Variants in CFAP299 observed in about 807,000 individuals in gnomAD.
CFAP299 encodes cilia- and flagella-associated protein 299.
Under a neutral mutation model 27.0 loss-of-function variants are expected in CFAP299, and 21 were observed. The observed-to-expected ratio is 0.78, with a 90% CI of 0.55 to 1.12. The LOEUF is 1.12. Among genes scored for constraint, CFAP299 ranks in the 50% most tolerant of loss-of-function variants. The probability of loss-of-function intolerance (pLI) is 0.00; values close to 1 mark genes in which losing one functional copy is unlikely to be tolerated. For missense variants in CFAP299, 310 were observed against 276.6 expected, an observed-to-expected ratio of 1.12 and a Z score of -0.86; for synonymous variants, 104 against 98.1, an observed-to-expected ratio of 1.06 and a Z score of -0.36.
At chr4:80,876,619 A>T (rs190685693) in intron 4 of CFAP299, among the ~76,000 whole-genome samples, 147 of 152,340 alleles carry the variant, frequency 9.6e-4, no homozygotes, top group Admixed American at 4.5e-3. Flanking sequence ...AAAAACCTGT[A>T]TCATTAAAGT....
chr4:80,601,915 A>G lies in CFAP299; in HGVS notation c.333+18732A>G, dbSNP rs567468588. Among the ~76,000 whole-genome samples the G allele has an allele frequency of 3.9e-4, 60 of 152,356 alleles. 1 individual carries two copies. The South Asian group carries it at 0.012, about 30-fold the overall frequency. ...GTGCATCCACAAAAAGAATGAAATCATGTCCTTTGTTGAAGACCATTATTG... is the reference window on the plus strand; with the variant it reads ...GTGCATCCACAAAAAGAATGAAATCGTGTCCTTTGTTGAAGACCATTATTG... On this transcript the variant is annotated intron_variant, in intron 3 of 5. Coordinates refer to ENST00000358105, the MANE Select transcript of CFAP299 (RefSeq NM_152770.3).
rs187551389 is a variant in CFAP299 at position 80,377,969 on chromosome 4, A to G, written c.242+15085A>G. On this transcript the variant is annotated intron_variant, in intron 2 of 5. Coordinates refer to ENST00000358105, the MANE Select transcript of CFAP299 (RefSeq NM_152770.3). The stretch of plus-strand genomic sequence containing the variant: ...AAGGTGGAAACCCCTGATAAACCCA[A>G]CAGATCTGATGAGACTTATTCACTA... Among the ~76,000 whole-genome samples, 280 of 152,232 alleles carry G rather than the reference A, an allele frequency of 1.8e-3. 2 individuals are homozygous for G. Among genetic ancestry groups the G allele is most frequent in the Admixed American group, 0.012 (186 of 15,298 alleles).
chr4:80,685,309 G>A (rs893150499), intron 3 of CFAP299, among the ~76,000 whole-genome samples: 1 of 152,052 alleles, frequency 6.6e-6, no homozygotes, highest in Non-Finnish European at 1.5e-5. Flanking sequence ...ATCTCTGAGG[G>A]AAAAATCCAG....
intron 2 of CFAP299, among the ~76,000 whole-genome samples, chr4:80,569,487 C>T (rs1735474883): frequency 6.6e-6 from 1 of 151,774 alleles, no homozygotes; most frequent in African/African-American, 2.4e-5. Context: ...GAAATTTTAA[C>T]TTAGTGTGAG....
intron 3 of CFAP299, among the ~76,000 whole-genome samples, chr4:80,699,558 A>G (rs2110025504): frequency 6.6e-6 from 1 of 152,262 alleles, no homozygotes; most frequent in South Asian, 2.1e-4. Flanking sequence ...AAATATTGTT[A>G]GCTAATGTTT....
intron 4 of CFAP299, chr4:80,872,860 A>G: frequency 2.1e-6 from 2 of 942,530 alleles, no homozygotes; most frequent in Non-Finnish European, 2.5e-6. Flanking sequence ...TTGGATATTG[A>G]TTAATCCTTT....
At chr4:80,473,356 C>T (rs1410068189) in intron 2 of CFAP299, among the ~76,000 whole-genome samples, 1 of 151,974 alleles carries the variant, frequency 6.6e-6, no homozygotes, top group African/African-American at 2.4e-5. Flanking sequence ...AAAATAAGTT[C>T]AAGGGCCAGT....
At chr4:80,647,747 G>A (rs1406433414) in intron 3 of CFAP299, among the ~76,000 whole-genome samples, 3 of 152,124 alleles carry the variant, frequency 2.0e-5, no homozygotes, top group Admixed American at 1.3e-4. Flanking sequence ...TGAATCAAAT[G>A]TTATAAAAGC....
intron 2 of CFAP299, among the ~76,000 whole-genome samples, chr4:80,424,454 T>C (rs149319974): frequency 9.9e-5 from 15 of 152,282 alleles, no homozygotes; most frequent in African/African-American, 3.6e-4. Context: ...CTCTTGAGGG[T>C]CACTGGCGAT....
chr4:80,541,175 G>A (rs746871916), intron 2 of CFAP299, among the ~76,000 whole-genome samples: 27 of 152,152 alleles, frequency 1.8e-4, no homozygotes, highest in South Asian at 2.1e-4. Context: ...TGACAGTGAA[G>A]ATAACTGTGA....
intron 2 of CFAP299, among the ~76,000 whole-genome samples, chr4:80,434,485 T>G (rs1438866048): frequency 6.6e-6 from 1 of 152,232 alleles, no homozygotes; most frequent in Non-Finnish European, 1.5e-5. Context: ...TTTAAATACT[T>G]TTAACAGTGG....
At chr4:80,769,379 A>C (rs1055296593) in intron 3 of CFAP299, among the ~76,000 whole-genome samples, 1 of 152,106 alleles carries the variant, frequency 6.6e-6, no homozygotes, top group Non-Finnish European at 1.5e-5. Flanking sequence ...CTATAAACTT[A>C]ATGGCTTATA....
chr4:80,869,273 C>A (rs943516506), intron 3 of CFAP299, among the ~76,000 whole-genome samples: 1 of 152,076 alleles, frequency 6.6e-6, no homozygotes, highest in African/African-American at 2.4e-5. Flanking sequence ...CCAGGAATAA[C>A]AAAGAATGCT....
intron 2 of CFAP299, among the ~76,000 whole-genome samples, chr4:80,393,863 A>T (rs777800612): frequency 5.9e-5 from 9 of 152,102 alleles, no homozygotes; most frequent in Non-Finnish European, 1.0e-4. Flanking sequence ...TCTCATCTAA[A>T]TTTTAATCCC....
intron 3 of CFAP299, among the ~76,000 whole-genome samples, chr4:80,672,277 A>AT (rs1741530738): frequency 6.6e-6 from 1 of 151,938 alleles, no homozygotes; most frequent in Admixed American, 6.6e-5. Flanking sequence ...GGTTTTTGTC[A>AT]TTGGTTCTGT....
intron 3 of CFAP299, among the ~76,000 whole-genome samples, chr4:80,846,207 C>T (rs1731174543): frequency 6.6e-6 from 1 of 152,122 alleles, no homozygotes. Flanking sequence ...TGTGGGGACA[C>T]TGTATAGGGA....
In CFAP299 at chr4:80,387,730, T is replaced by C; in HGVS notation, c.242+24846T>C. ...GCATTGGAAGGGCTTCTCACCTGTG[T>C]GGCTTCAGATGTGCTGCTGCAGGTC... On this transcript the variant is annotated intron_variant, in intron 2 of 5. Transcript: ENST00000358105. 1.9e-6 allele frequency: 3 copies of C among 1,583,356 alleles called. No individual in the cohort carries two copies. In the East Asian group the frequency reaches 6.7e-5, roughly 35 times the overall value.
intron 3 of CFAP299, among the ~76,000 whole-genome samples, chr4:80,862,747 G>C (rs1357712119): frequency 1.3e-5 from 2 of 152,038 alleles, no homozygotes; most frequent in Non-Finnish European, 2.9e-5. Flanking sequence ...GAAAGACAAA[G>C]AACTGTGCTA....
chr4:80,696,023 C>A (rs188885682), intron 3 of CFAP299, among the ~76,000 whole-genome samples: 9 of 151,858 alleles, frequency 5.9e-5, no homozygotes, highest in Admixed American at 5.9e-4. Flanking sequence ...AAGTAGAGGC[C>A]GGGTGTGGTG....
Sources: gnomAD v4.1 joint callset for allele counts (sites outside exome capture counted in the v4.1 genomes callset) on GRCh38, gnomAD v4.1.1 for gene constraint, MANE v1.5 for transcripts, NCBI Gene and HGNC (gene_info 2026-07-23, HGNC 2026-07-21) for gene names.